Variants in PTPRT observed in about 807,000 individuals in gnomAD.
PTPRT encodes the protein protein tyrosine phosphatase receptor type T, also known as receptor-type tyrosine-protein phosphatase T.
In PTPRT, 56 loss-of-function variants were observed where a neutral mutation model predicts 176.8. That is an observed-to-expected ratio of 0.32 (90% CI 0.26 to 0.40). The LOEUF (loss-of-function observed/expected upper bound fraction) is 0.40, where lower values mean the gene tolerates loss of function less well. PTPRT is among the 10% of genes least tolerant of loss of function. PTPRT has a pLI of 1.00. For synonymous variants in PTPRT, 783 were observed against 739.0 expected (o/e 1.06, Z -0.96); for missense variants, 1,540 against 1,908.2 (o/e 0.81, Z 3.60).
intron 12 of PTPRT, among the ~76,000 whole-genome samples, chr20:42,303,483 G>C (rs963059405): frequency 2.6e-5 from 4 of 152,066 alleles, no homozygotes; most frequent in African/African-American, 7.2e-5. Context: ...ACTAGGGCTC[G>C]GCATGAAACG....
In PTPRT at chr20:42,159,204, CT is replaced by C. The variant is rs36084546; in HGVS notation, c.2682+2147del. On this transcript the variant is annotated intron_variant, in intron 17 of 30. Coordinates refer to ENST00000373187, the MANE Select transcript of PTPRT (RefSeq NM_007050.6). Reference sequence around the variant, plus strand: ...GTTGAATATACCATTTCCTTTCTTTCTTTTTTTTTTTTCACCCAAACAGCTA... The same window carrying C: ...GTTGAATATACCATTTCCTTTCTTTCTTTTTTTTTTTCACCCAAACAGCTA... Among the ~76,000 whole-genome samples the C allele has an allele frequency of 2.8e-3, 355 of 124,670 alleles. 1 individual carries two copies. The highest frequency in any genetic ancestry group is 8.1e-3 in the Middle Eastern group (2 of 248). 81.8% of individuals were successfully genotyped at this position (124,670 alleles called of 152,430 possible).
chr20:42,115,149 A>T (rs1312385674), intron 22 of PTPRT, 50 bp downstream of exon 22: 1 of 1,357,876 alleles, frequency 7.4e-7, no homozygotes, highest in Non-Finnish European at 1.1e-6. Flanking sequence ...ATGAACAAAC[A>T]AGCTGGCTCT....
chr20:42,087,155 T>TC (rs1486496848), intron 27 of PTPRT, among the ~76,000 whole-genome samples: 3 of 122,750 alleles, frequency 2.4e-5, no homozygotes, highest in African/African-American at 6.2e-5. Context: ...ACAGATTAGC[T>TC]CCCCCCGAGA....
chr20:42,430,206 A>G (rs1248615318), intron 9 of PTPRT, among the ~76,000 whole-genome samples: 1 of 152,220 alleles, frequency 6.6e-6, no homozygotes, highest in Non-Finnish European at 1.5e-5. Flanking sequence ...GGGCAAGGGG[A>G]GGAATTTCAC....
At chr20:42,850,616 C>T (rs1458942447) in intron 2 of PTPRT, among the ~76,000 whole-genome samples, 3 of 152,218 alleles carry the variant, frequency 2.0e-5, no homozygotes, top group African/African-American at 4.8e-5. Context: ...TTGCTATACA[C>T]CCACTGCACT....
intron 1 of PTPRT, among the ~76,000 whole-genome samples, chr20:43,051,535 C>T (rs1987040354): frequency 6.9e-6 from 1 of 145,774 alleles, no homozygotes; most frequent in African/African-American, 2.6e-5. Flanking sequence ...GCCAAATCAT[C>T]TATTTAAAAC....
At chr20:42,435,016 T>G (rs1022707194) in intron 9 of PTPRT, among the ~76,000 whole-genome samples, 1 of 150,898 alleles carries the variant, frequency 6.6e-6, no homozygotes, top group Non-Finnish European at 1.5e-5. Context: ...AAGAGAAAAT[T>G]TTAAAAAGAA....
intron 12 of PTPRT, among the ~76,000 whole-genome samples, chr20:42,287,708 A>AGAC (rs1184548688): frequency 3.9e-5 from 6 of 151,912 alleles, no homozygotes; most frequent in Non-Finnish European, 8.8e-5. Context: ...TCAAATAGCT[A>AGAC]GACAGAGGAT....
At chr20:42,595,397 G>C (rs551098672) in intron 7 of PTPRT, among the ~76,000 whole-genome samples, 2 of 152,132 alleles carry the variant, frequency 1.3e-5, no homozygotes, top group South Asian at 2.1e-4. Context: ...CAGTAGTACT[G>C]TCCCGGTTGT....
intron 15 of PTPRT, among the ~76,000 whole-genome samples, chr20:42,203,413 T>C (rs1031522588): frequency 6.6e-6 from 1 of 152,210 alleles, no homozygotes; most frequent in Non-Finnish European, 1.5e-5. Context: ...CTCAGTCTTA[T>C]TCTCTGCACA....
At chr20:42,414,439 G>C (rs1446287706) in intron 9 of PTPRT, among the ~76,000 whole-genome samples, 2 of 152,136 alleles carry the variant, frequency 1.3e-5, no homozygotes, top group African/African-American at 4.8e-5. Context: ...GAAATAAAAG[G>C]TATGCCTGTT....
chr20:43,057,508 A>C (rs1987294122), intron 1 of PTPRT, among the ~76,000 whole-genome samples: 1 of 152,176 alleles, frequency 6.6e-6, no homozygotes, highest in African/African-American at 2.4e-5. Flanking sequence ...AAACTAAAAA[A>C]GAAAGTGCAT....
Position 43,083,341 on chromosome 20 carries a change from T to TAC in PTPRT, c.88+106304_88+106305insGT, listed in dbSNP as rs1176393671. On this transcript the variant is annotated intron_variant, in intron 1 of 30. Coordinates refer to ENST00000373187, the MANE Select transcript of PTPRT (RefSeq NM_007050.6). ...AAATGTATATATATATATATATATA[T>TAC]ATATATATATATATATATATATATA... 2.9e-3 allele frequency among the ~76,000 whole-genome samples: 118 copies of TAC among 40,672 alleles called. 4 individuals carry two copies. Among genetic ancestry groups the TAC allele is most frequent in the East Asian group, 7.2e-3 (4 of 558 alleles). 26.7% of individuals were successfully genotyped at this position (40,672 alleles called of 152,430 possible).
intron 15 of PTPRT, among the ~76,000 whole-genome samples, chr20:42,226,794 T>G (rs542361375): frequency 3.9e-5 from 6 of 152,168 alleles, no homozygotes; most frequent in Admixed American, 2.6e-4. Context: ...AGCAAAAGGG[T>G]ATTGCTACGG....
chr20:42,299,709 G>T (rs920613558), intron 12 of PTPRT, among the ~76,000 whole-genome samples: 2 of 133,326 alleles, frequency 1.5e-5, no homozygotes, highest in Admixed American at 8.5e-5. Context: ...GTGCAGTGGC[G>T]CTATCTCATC....
chr20:43,002,040 T>A (rs555876619), intron 1 of PTPRT, among the ~76,000 whole-genome samples: 2 of 152,214 alleles, frequency 1.3e-5, no homozygotes, highest in South Asian at 4.1e-4. Flanking sequence ...GGGGGCGGCT[T>A]CCCCCACGCG....
chr20:42,909,864 T>TATTGTCCACA (rs2145930666), intron 1 of PTPRT, among the ~76,000 whole-genome samples: 1 of 152,356 alleles, frequency 6.6e-6, no homozygotes, highest in African/African-American at 2.4e-5. Flanking sequence ...CAGAAAACAC[T>TATTGTCCACA]GCTATTGTCG....
chr20:42,213,081 C>T (rs2055683742), intron 15 of PTPRT, among the ~76,000 whole-genome samples: 2 of 152,134 alleles, frequency 1.3e-5, no homozygotes, highest in African/African-American at 4.8e-5. Flanking sequence ...AGCTGTTCTC[C>T]AAGTGTGGTT....
At chr20:42,966,721 C>A (rs1162951545) in intron 1 of PTPRT, among the ~76,000 whole-genome samples, 1 of 152,136 alleles carries the variant, frequency 6.6e-6, no homozygotes, top group Non-Finnish European at 1.5e-5. Context: ...GGCAGCTGGG[C>A]ACAAACAAGG....
Sources: allele counts gnomAD v4.1 joint callset (sites outside exome capture counted in the v4.1 genomes callset), GRCh38; gene constraint gnomAD v4.1.1; transcripts MANE v1.5; gene names NCBI Gene and HGNC (gene_info 2026-07-23, HGNC 2026-07-21).